Variants in ZNF735 observed in about 807,000 individuals in gnomAD.
The protein encoded by ZNF735 is putative zinc finger protein 735.
Under a neutral mutation model 13.4 loss-of-function variants are expected in ZNF735, and 11 were observed. The observed-to-expected ratio is 0.82, with a 90% CI of 0.52 to 1.36. The LOEUF (loss-of-function observed/expected upper bound fraction) is 1.36. ZNF735 is among the 40% of genes most tolerant of loss of function. The probability of loss-of-function intolerance (pLI) is 0.00; values close to 1 mark genes in which losing one functional copy is unlikely to be tolerated. For missense variants in ZNF735, 500 were observed against 484.6 expected (o/e 1.03, Z -0.30); for synonymous variants, 171 against 162.6 (o/e 1.05, Z -0.39).
At chr7:64,219,345 G>T (rs1562834013) in exon 4 of ZNF735, 10 of 1,613,510 alleles carry the variant, frequency 6.2e-6, no homozygotes, top group African/African-American at 1.3e-5. Flanking sequence ...AAGACCTTCA[G>T]CCAGAGCAGA....
At chr7:64,218,061 A>G (rs1584216002) in intron 3 of ZNF735, among the ~76,000 whole-genome samples, 1 of 151,906 alleles carries the variant, frequency 6.6e-6, no homozygotes, top group Admixed American at 6.5e-5. Context: ...TTTTCATTAT[A>G]TTATTTGAAG....
At chr7:64,212,709 A>G (rs1160695962) in intron 1 of ZNF735, among the ~76,000 whole-genome samples, 1 of 151,568 alleles carries the variant, frequency 6.6e-6, no homozygotes, top group African/African-American at 2.4e-5. Flanking sequence ...AGGAGAATCG[A>G]TTGAACCCGA....
chr7:64,219,195 G>A (rs1259497329), intron 3 of ZNF735, 119 bp from the exon 4 acceptor site: 7 of 1,243,682 alleles, frequency 5.6e-6, no homozygotes, highest in African/African-American at 1.5e-5. Context: ...ATTATGGCCT[G>A]TGGTATTTTG....
chr7:64,210,283 AAC>A (rs1424324606), intron 1 of ZNF735, among the ~76,000 whole-genome samples: 5 of 152,328 alleles, frequency 3.3e-5, no homozygotes, highest in African/African-American at 1.2e-4. Context: ...TAAAAAAGCC[AAC>A]AAAAAAATAT....
chr7:64,213,757 G>C lies in ZNF735; in HGVS notation c.167-256G>C, dbSNP rs1022450717. ...AGGCAGATCACAAGGTCAGGAGTTC[G>C]AGACCAGCCTGGCTAATATGGTGAA... On this transcript the variant is annotated intron_variant, in intron 2 of 3. Coordinates refer to ENST00000429565, the Ensembl canonical transcript of ZNF735. 2.6e-5 allele frequency among the ~76,000 whole-genome samples: 4 copies of C among 151,962 alleles called. 1 individual carries two copies. The highest frequency in any genetic ancestry group is 2.0e-4 in the Admixed American group (3 of 15,252).
Position 64,219,801 on chromosome 7 carries a change from T to C in ZNF735, c.750T>C (p.Phe250=), listed in dbSNP as rs769662440. ...GATGTGAGGAATGTGGCAAAGCCTT[T>C]AGGTGGCCCTCAAACCTTACTAGAC... The change falls in exon 4 of 4, where the codon TTT becomes TTC. Residue 250 remains phenylalanine, a synonymous_variant. Transcript: ENST00000429565. 8.7e-6 allele frequency: 14 copies of C among 1,612,756 alleles called. No individual in the cohort carries two copies. In the East Asian group the frequency reaches 1.8e-4, roughly 21 times the overall value.
chr7:64,212,454 A>G (rs914359743), intron 1 of ZNF735, among the ~76,000 whole-genome samples: 9 of 152,220 alleles, frequency 5.9e-5, no homozygotes, highest in Non-Finnish European at 2.9e-5. Flanking sequence ...TTATCTGAGA[A>G]ATATACACAG....
At chr7:64,210,485 A>G (rs1426509295) in intron 1 of ZNF735, among the ~76,000 whole-genome samples, 1 of 152,188 alleles carries the variant, frequency 6.6e-6, no homozygotes, top group Admixed American at 6.5e-5. Flanking sequence ...ACCCTTTTGG[A>G]TCCTGCAGAA....
chr7:64,210,428 G>A (rs777988815), intron 1 of ZNF735, among the ~76,000 whole-genome samples: 13 of 152,162 alleles, frequency 8.5e-5, no homozygotes, highest in African/African-American at 2.2e-4. Context: ...GTCTGGGAAA[G>A]CACAATCAGC....
intron 2 of ZNF735, among the ~76,000 whole-genome samples, chr7:64,213,502 A>C (rs1787384716): frequency 6.6e-6 from 1 of 152,334 alleles, no homozygotes; most frequent in African/African-American, 2.4e-5. Flanking sequence ...TGTCACCAAC[A>C]ATGTTTGATT....
At chr7:64,207,269 G>A (rs556830364) in intron 1 of ZNF735, 28 bp downstream of exon 1, 310 of 1,614,062 alleles carry the variant, frequency 1.9e-4, no homozygotes, top group Non-Finnish European at 2.5e-4. Flanking sequence ...CATCGTGAGA[G>A]AGGGGTGGGA....
intron 1 of ZNF735, among the ~76,000 whole-genome samples, chr7:64,208,244 G>GTTT (rs71060562): frequency 0.071 from 6,549 of 92,466 alleles, 1,750 homozygotes; most frequent in Non-Finnish European, 0.1. Flanking sequence ...TCCAATAAAT[G>GTTT]TTTTTTTTTT....
At position 64,209,228 on chromosome 7, in the gene ZNF735, G is replaced by GTTTT. The variant is rs377315967; in HGVS notation, c.39+1996_39+1999dup. 2.5e-3 allele frequency among the ~76,000 whole-genome samples: 352 copies of GTTTT among 139,930 alleles called. 1 individual carries two copies. The highest frequency in any genetic ancestry group is 8.9e-3 in the African/African-American group (335 of 37,548). 91.8% of individuals were successfully genotyped at this position (139,930 alleles called of 152,430 possible). ...CCACAACCTCACAAGCATCTGTTCC[G>GTTTT]TTTTTTTTTTTTGACTTTTTAGTCT... is the stretch of plus-strand genomic sequence containing the variant. On this transcript the variant is annotated intron_variant, in intron 1 of 3. Coordinates refer to ENST00000429565, the Ensembl canonical transcript of ZNF735.
chr7:64,211,431 C>G (rs1787359082), intron 1 of ZNF735, among the ~76,000 whole-genome samples: 1 of 152,108 alleles, frequency 6.6e-6, no homozygotes, highest in South Asian at 2.1e-4. Context: ...ATGTATTACC[C>G]AGAAAGTTCT....
rs1428894894 is a variant in ZNF735 at position 64,213,092 on chromosome 7, G to A, written c.40G>A (p.Gly14Arg). ...TGAGGTTTTTCTTTTTTTTTTTCAG[G>A]GACTGTTGACATTCAGAGACATAGC... Residue 14 changes from glycine to arginine, a missense_variant and splice_region_variant, in exon 2 of 4, where the codon GGA becomes AGA. Physicochemically the swap from Gly to Arg is moderately radical, Grantham distance 125 (BLOSUM62 -2). Transcript: ENST00000429565. 1.6e-5 allele frequency: 25 copies of A among 1,608,708 alleles called. 1 individual carries two copies. Among genetic ancestry groups the A allele is most frequent in the South Asian group, 8.9e-5 (8 of 90,342 alleles).
intron 1 of ZNF735, among the ~76,000 whole-genome samples, chr7:64,208,714 T>C (rs778662936): frequency 3.3e-5 from 5 of 152,204 alleles, no homozygotes; most frequent in Non-Finnish European, 7.3e-5. Context: ...ATTTTCTTCG[T>C]CTTCTGACCC....
chr7:64,207,448 T>C (rs1787302954), intron 1 of ZNF735, among the ~76,000 whole-genome samples: 1 of 152,196 alleles, frequency 6.6e-6, no homozygotes, highest in Non-Finnish European at 1.5e-5. Context: ...TCTGTCTTTT[T>C]CCTCTGCAGT....
chr7:64,208,945 C>G (rs117258766), intron 1 of ZNF735, among the ~76,000 whole-genome samples: 5,435 of 152,306 alleles, frequency 0.036, 173 homozygotes, highest in East Asian at 0.16. Context: ...TTATGTAACA[C>G]ATTTTCTTTA....
intron 2 of ZNF735, 64 bp downstream of exon 2, chr7:64,213,282 T>G: frequency 6.7e-7 from 1 of 1,485,548 alleles, no homozygotes; most frequent in Non-Finnish European, 9.1e-7. Flanking sequence ...AAGATGATTT[T>G]GGTAATTTCT....
Sources: gnomAD v4.1 joint callset for allele counts (sites outside exome capture counted in the v4.1 genomes callset) on GRCh38, gnomAD v4.1.1 for gene constraint, MANE v1.5 for transcripts, NCBI Gene and HGNC (gene_info 2026-07-23, HGNC 2026-07-21) for gene names.